Variants in GPM6A observed in about 807,000 individuals in gnomAD.
GPM6A encodes the protein glycoprotein M6A, also known as neuronal membrane glycoprotein M6-a.
A neutral mutation model predicts 32.1 loss-of-function variants in GPM6A; 7 were observed. That is an observed-to-expected ratio of 0.22 (90% CI 0.12 to 0.41). The LOEUF (loss-of-function observed/expected upper bound fraction) is 0.41. GPM6A is among the 10% of genes least tolerant of loss of function. The pLI is 1.00. For missense variants in GPM6A, 235 were observed against 347.2 expected, an observed-to-expected ratio of 0.68 and a Z score of 2.57; for synonymous variants, 130 against 123.4, an observed-to-expected ratio of 1.05 and a Z score of -0.35.
chr4:175,741,438 C>T (rs976670658), intron 1 of GPM6A, among the ~76,000 whole-genome samples: 1 of 152,008 alleles, frequency 6.6e-6, no homozygotes, highest in Non-Finnish European at 1.5e-5. Context: ...TTAGTTTTAA[C>T]GTATGTATCT....
chr4:175,699,342 C>A lies in GPM6A; in HGVS notation c.230+2233G>T, dbSNP rs183628609. 4.0e-3 allele frequency among the ~76,000 whole-genome samples: 615 copies of A among 152,208 alleles called. 7 individuals carry two copies. Among genetic ancestry groups the A allele is most frequent in the Non-Finnish European group, 4.3e-3 (290 of 67,996 alleles). On this transcript the variant is annotated intron_variant, in intron 2 of 6. Coordinates refer to ENST00000393658, the MANE Select transcript of GPM6A (RefSeq NM_201591.3). ...CTATTTGAATCTAAGGCATTGATAG[C>A]TATTGAATTTTGGTTTTATACATAG...
intron 1 of GPM6A, among the ~76,000 whole-genome samples, chr4:175,983,538 T>G (rs1561022571): frequency 6.6e-6 from 1 of 152,228 alleles, no homozygotes; most frequent in Admixed American, 6.5e-5. Context: ...ATTGTGGTGA[T>G]TATAAGGTTT....
At chr4:175,678,883 A>G (rs1362120101) in intron 2 of GPM6A, among the ~76,000 whole-genome samples, 1 of 152,186 alleles carries the variant, frequency 6.6e-6, no homozygotes, top group Non-Finnish European at 1.5e-5. Flanking sequence ...TAAAACAAGT[A>G]GTATGTGGAG....
chr4:175,761,108 G>A (rs1732719642), intron 1 of GPM6A, among the ~76,000 whole-genome samples: 1 of 152,154 alleles, frequency 6.6e-6, no homozygotes, highest in Non-Finnish European at 1.5e-5. Context: ...CACTAGTCAA[G>A]ATCTACACTG....
intron 1 of GPM6A, among the ~76,000 whole-genome samples, chr4:175,982,082 T>G (rs1740836646): frequency 6.6e-6 from 1 of 152,160 alleles, no homozygotes; most frequent in Non-Finnish European, 1.5e-5. Flanking sequence ...TCTATGTAAG[T>G]TGTTTGCCCT....
At chr4:175,913,861 A>C (rs1388123681) in intron 1 of GPM6A, among the ~76,000 whole-genome samples, 1 of 152,116 alleles carries the variant, frequency 6.6e-6, no homozygotes, top group African/African-American at 2.4e-5. Context: ...CATCATACCT[A>C]CCACCTGGTA....
At chr4:175,642,442 T>C (rs1302271691) in intron 4 of GPM6A, among the ~76,000 whole-genome samples, 3 of 152,178 alleles carry the variant, frequency 2.0e-5, no homozygotes, top group African/African-American at 7.2e-5. Flanking sequence ...TCTACTTAAA[T>C]CCTCTCAAGT....
chr4:175,959,338 T>C (rs1337824529), intron 1 of GPM6A, among the ~76,000 whole-genome samples: 1 of 152,118 alleles, frequency 6.6e-6, no homozygotes, highest in Non-Finnish European at 1.5e-5. Flanking sequence ...CTTCACACAT[T>C]ATGATTCAGG....
intron 3 of GPM6A, among the ~76,000 whole-genome samples, chr4:175,665,921 CTT>C (rs774784502): frequency 1.4e-4 from 20 of 139,740 alleles, no homozygotes; most frequent in Admixed American, 4.3e-4. Context: ...GAAAAATGTA[CTT>C]TTTTTTTTTT....
chr4:175,758,204 C>T (rs1732604525), intron 1 of GPM6A, among the ~76,000 whole-genome samples: 1 of 152,118 alleles, frequency 6.6e-6, no homozygotes, highest in East Asian at 1.9e-4. Flanking sequence ...ATTTGTATTA[C>T]TTATTTTAAA....
intron 1 of GPM6A, among the ~76,000 whole-genome samples, chr4:175,985,851 G>A (rs749897044): frequency 4.6e-5 from 7 of 151,626 alleles, no homozygotes; most frequent in Non-Finnish European, 5.9e-5. Flanking sequence ...TGTCACTAAG[G>A]CTGGAGTGCA....
chr4:175,824,269 G>T (rs1289767341), intron 1 of GPM6A, among the ~76,000 whole-genome samples: 2 of 152,018 alleles, frequency 1.3e-5, no homozygotes, highest in Non-Finnish European at 2.9e-5. Flanking sequence ...TGTTATTTTC[G>T]AATGAACCTG....
At chr4:175,682,660 T>C (rs1221144951) in intron 2 of GPM6A, among the ~76,000 whole-genome samples, 1 of 152,188 alleles carries the variant, frequency 6.6e-6, no homozygotes, top group Non-Finnish European at 1.5e-5. Flanking sequence ...CAACTGCTCA[T>C]GCTCCAACCA....
At chr4:175,717,035 C>A (rs1745875306) in intron 1 of GPM6A, among the ~76,000 whole-genome samples, 1 of 152,180 alleles carries the variant, frequency 6.6e-6, no homozygotes, top group South Asian at 2.1e-4. Context: ...CTTTCCTCAA[C>A]TTTCCTTTAC....
chr4:175,726,251 G>A (rs989922275), intron 1 of GPM6A, among the ~76,000 whole-genome samples: 1 of 151,472 alleles, frequency 6.6e-6, no homozygotes, highest in African/African-American at 2.4e-5. Flanking sequence ...TGCCCTCCTC[G>A]GCCTCCCAAA....
chr4:175,938,737 C>CAAAAAAAAAAAA (rs3034711), intron 1 of GPM6A, among the ~76,000 whole-genome samples: 1 of 134,096 alleles, frequency 7.5e-6, no homozygotes. Flanking sequence ...AAAGTAAAAC[C>CAAAAAAAAAAAA]AAAAAAAAAA....
intron 1 of GPM6A, among the ~76,000 whole-genome samples, chr4:175,791,219 A>T (rs1734001677): frequency 6.6e-6 from 1 of 152,176 alleles, no homozygotes; most frequent in Admixed American, 6.5e-5. Context: ...AAACAAGTAG[A>T]GATAAATAAA....
At chr4:175,646,458 A>T (rs1019633762) in intron 4 of GPM6A, among the ~76,000 whole-genome samples, 4 of 152,330 alleles carry the variant, frequency 2.6e-5, no homozygotes, top group African/African-American at 7.2e-5. Flanking sequence ...TTGGACAAAT[A>T]ATGGAATATT....
chr4:175,640,768 C>T lies in GPM6A; in HGVS notation c.603G>A (p.Met201Ile). The T allele has an allele frequency of 1.9e-6, 3 of 1,607,428 alleles. No individual in the cohort carries two copies. The highest frequency in any genetic ancestry group is 1.7e-6 in the Non-Finnish European group (2 of 1,174,484). The part of the protein sequence containing the change: ...ICTVSENFLR[M>I]CESTELNMTF... ...AAACACTCACCTCAGTAGATTCGCA[C>T]ATCCTCAAGAAATTCTCAGAGACAG... The change falls in exon 5 of 7, where the codon ATG becomes ATA. Residue 201 changes from methionine (M) to isoleucine (I), a missense_variant. Around this residue, in one of 3 missense-constraint regions of GPM6A, gnomAD observed 107 missense variants for 116.7 expected, o/e 0.92. Transcript: ENST00000393658.
Sources: gnomAD v4.1 joint callset for allele counts (sites outside exome capture counted in the v4.1 genomes callset) on GRCh38, gnomAD v4.1.1 for gene constraint, gnomAD v4.1.1 regional missense constraint, MANE v1.5 for transcripts, NCBI Gene and HGNC (gene_info 2026-07-23, HGNC 2026-07-21) for gene names.